The following RNF130 variants were observed in gnomAD, a reference collection of about 807,000 sequenced individuals.
RNF130 encodes E3 ubiquitin-protein ligase RNF130.
Under a neutral mutation model 44.6 loss-of-function variants are expected in RNF130, and 21 were observed. That is an observed-to-expected ratio of 0.47 (90% confidence interval 0.33 to 0.68). The LOEUF is 0.68. Among genes scored for constraint, RNF130 ranks in the 30% least tolerant of loss-of-function variants. RNF130 has a pLI of 0.02. For missense variants in RNF130, 479 were observed against 560.6 expected (o/e 0.85, Z 1.47); for synonymous variants, 214 against 210.4 (o/e 1.02, Z -0.15).
At chr5:180,061,953 G>C (rs1764995850) in intron 1 of RNF130, among the ~76,000 whole-genome samples, 1 of 152,140 alleles carries the variant, frequency 6.6e-6, no homozygotes, top group Admixed American at 6.5e-5. Context: ...CAAGGCACCA[G>C]CAGATGTGGT....
chr5:180,065,635 C>G (rs983546805), intron 1 of RNF130, among the ~76,000 whole-genome samples: 1 of 151,970 alleles, frequency 6.6e-6, no homozygotes, highest in African/African-American at 2.4e-5. Flanking sequence ...TGGTGGGCAC[C>G]TGTAATCCCA....
At chr5:179,997,384 C>CGCAATCTCGGCTCACT (rs1361031394) in intron 3 of RNF130, among the ~76,000 whole-genome samples, 1 of 152,170 alleles carries the variant, frequency 6.6e-6, no homozygotes, top group Non-Finnish European at 1.5e-5. Flanking sequence ...AGCGCACTGG[C>CGCAATCTCGGCTCACT]GCAATCTCGG....
chr5:179,931,698 C>T (rs1183692465), intron 7 of RNF130, among the ~76,000 whole-genome samples: 1 of 152,148 alleles, frequency 6.6e-6, no homozygotes, highest in Non-Finnish European at 1.5e-5. Flanking sequence ...TTGCTTGAAC[C>T]TGGGAGGCGG....
At chr5:179,983,740 C>CT (rs1762894494) in intron 3 of RNF130, among the ~76,000 whole-genome samples, 1 of 152,222 alleles carries the variant, frequency 6.6e-6, no homozygotes, top group African/African-American at 2.4e-5. Flanking sequence ...GAACTGGCAT[C>CT]TTAACAACAT....
At chr5:179,920,063 C>A (rs950949216) in exon 8 of RNF130, 17 of 425,906 alleles carry the variant, frequency 4.0e-5, no homozygotes, top group African/African-American at 1.2e-4. Flanking sequence ...AAACAGCCAG[C>A]CTTGCTGGGC....
At chr5:180,002,699 A>C (rs1763371218) in intron 3 of RNF130, among the ~76,000 whole-genome samples, 1 of 152,090 alleles carries the variant, frequency 6.6e-6, no homozygotes, top group Non-Finnish European at 1.5e-5. Flanking sequence ...TCCTGGTTAG[A>C]GGATGGGACA....
At chr5:179,992,495 T>G (rs985745155) in intron 3 of RNF130, among the ~76,000 whole-genome samples, 13 of 152,256 alleles carry the variant, frequency 8.5e-5, no homozygotes, top group African/African-American at 3.1e-4. Flanking sequence ...CAATGAGTAT[T>G]TCATTTCCAG....
At chr5:180,063,640 G>A (rs1238142934) in intron 1 of RNF130, among the ~76,000 whole-genome samples, 1 of 152,214 alleles carries the variant, frequency 6.6e-6, no homozygotes, top group Non-Finnish European at 1.5e-5. Flanking sequence ...AACAATTCCT[G>A]TCTCAGTGTT....
At chr5:179,934,324 T>C (rs1263319367) in intron 7 of RNF130, 1 of 154,176 alleles carries the variant, frequency 6.5e-6, no homozygotes, top group Non-Finnish European at 1.4e-5. Context: ...AATCTGAAAC[T>C]CTACACCCAT....
downstream of RNF130, among the ~76,000 whole-genome samples, chr5:179,954,232 C>T (rs148437710): frequency 1.3e-5 from 2 of 152,180 alleles, 1 homozygote; most frequent in Non-Finnish European, 2.9e-5. Context: ...AATCCAGCAA[C>T]TGCACTCCTA....
At chr5:180,067,385 C>T (rs1765132234) in intron 1 of RNF130, among the ~76,000 whole-genome samples, 1 of 152,102 alleles carries the variant, frequency 6.6e-6, no homozygotes, top group South Asian at 2.1e-4. Context: ...AAATCACTGG[C>T]ACGGCAATAG....
At chr5:180,036,838 C>T (rs530041263) in intron 2 of RNF130, among the ~76,000 whole-genome samples, 96 of 54,922 alleles carry the variant, frequency 1.7e-3, no homozygotes, top group Non-Finnish European at 3.0e-3. Context: ...TACCCCCACA[C>T]TCAGCTTAAG....
intron 3 of RNF130, among the ~76,000 whole-genome samples, chr5:180,006,723 G>A (rs1763470050): frequency 1.3e-5 from 2 of 152,056 alleles, no homozygotes; most frequent in African/African-American, 2.4e-5. Context: ...TGAAATTAAA[G>A]GTGCAATATT....
At chr5:180,043,275 T>C (rs551775038) in intron 1 of RNF130, among the ~76,000 whole-genome samples, 1 of 152,348 alleles carries the variant, frequency 6.6e-6, no homozygotes, top group Non-Finnish European at 1.5e-5. Flanking sequence ...CAGTGAACTA[T>C]GATCATGTCG....
chr5:180,058,112 T>G (rs973664324), intron 1 of RNF130, among the ~76,000 whole-genome samples: 1 of 152,104 alleles, frequency 6.6e-6, no homozygotes, highest in Admixed American at 6.5e-5. Context: ...AGGTATAAAC[T>G]ACGGTGTCAA....
At chr5:179,964,958 T>C (rs1029480397) in intron 7 of RNF130, among the ~76,000 whole-genome samples, 2 of 152,146 alleles carry the variant, frequency 1.3e-5, no homozygotes, top group Non-Finnish European at 2.9e-5. Flanking sequence ...TTAGGGAAAA[T>C]GTATATGGCA....
intron 8 of RNF130, among the ~76,000 whole-genome samples, chr5:179,961,845 A>G (rs1308400987): frequency 6.6e-6 from 1 of 152,200 alleles, no homozygotes; most frequent in African/African-American, 2.4e-5. Flanking sequence ...CAATAAAGGC[A>G]GATGGTCATC....
chr5:179,986,915 T>C (rs1762966628), intron 3 of RNF130, among the ~76,000 whole-genome samples: 1 of 152,224 alleles, frequency 6.6e-6, no homozygotes, highest in African/African-American at 2.4e-5. Context: ...TATGTGACTA[T>C]TGCAAATAGG....
chr5:179,989,250 C>T (rs1009791954), intron 3 of RNF130, among the ~76,000 whole-genome samples: 3 of 152,172 alleles, frequency 2.0e-5, no homozygotes, highest in Non-Finnish European at 4.4e-5. Context: ...GATTCAGTTA[C>T]CTCCCACTGG....
Sources: allele counts gnomAD v4.1 joint callset (sites outside exome capture counted in the v4.1 genomes callset), GRCh38; gene constraint gnomAD v4.1.1; transcripts MANE v1.5; gene names NCBI Gene and HGNC (gene_info 2026-07-23, HGNC 2026-07-21).